Variants in TRIM9 observed in about 807,000 individuals in gnomAD.
TRIM9 encodes E3 ubiquitin-protein ligase TRIM9.
A neutral mutation model predicts 78.3 loss-of-function variants in TRIM9; 26 were observed. The ratio of observed to expected loss-of-function variants is 0.33; its 90% CI spans 0.24 to 0.46. The LOEUF is 0.46. Among genes scored for constraint, TRIM9 ranks in the 20% least tolerant of loss-of-function variants. The pLI, the probability that TRIM9 is intolerant of heterozygous loss-of-function variation, is 1.00. For synonymous variants in TRIM9, 398 were observed against 416.5 expected, an observed-to-expected ratio of 0.96 and a Z score of 0.54; for missense variants, 787 against 1,036.4, an observed-to-expected ratio of 0.76 and a Z score of 3.30.
chr14:50,997,929 G>C, intron 7 of TRIM9, 121 bp downstream of exon 7: 1 of 1,521,200 alleles, frequency 6.6e-7, no homozygotes, highest in Non-Finnish European at 8.8e-7. Context: ...TGTGCAGAAT[G>C]CAGAGCAAGT....
At chr14:51,000,358 A>G (rs1333783186) in intron 6 of TRIM9, among the ~76,000 whole-genome samples, 10 of 152,228 alleles carry the variant, frequency 6.6e-5, no homozygotes, top group Admixed American at 6.5e-4. Flanking sequence ...CCCTCTAGTT[A>G]ATAAATGAGG....
At chr14:51,059,374 T>C (rs562080256) in intron 1 of TRIM9, among the ~76,000 whole-genome samples, 81 of 152,356 alleles carry the variant, frequency 5.3e-4, no homozygotes, top group African/African-American at 1.9e-3. Context: ...CCTTAAAATA[T>C]ACAGATGATA....
intron 1 of TRIM9, among the ~76,000 whole-genome samples, chr14:51,086,028 T>TTTCTAA (rs535138693): frequency 1.3e-5 from 2 of 152,220 alleles, no homozygotes; most frequent in Non-Finnish European, 2.9e-5. Context: ...CACAATTTCT[T>TTTCTAA]TTCTAAATTT....
intron 1 of TRIM9, among the ~76,000 whole-genome samples, chr14:51,085,782 T>C (rs2063697591): frequency 6.6e-6 from 1 of 152,240 alleles, no homozygotes; most frequent in Non-Finnish European, 1.5e-5. Context: ...TATTAGTTTA[T>C]GGTTTTTATG....
At chr14:50,986,476 A>G (rs1450683436) in intron 7 of TRIM9, 1 of 177,762 alleles carries the variant, frequency 5.6e-6, no homozygotes, top group African/African-American at 2.3e-5. Context: ...AATTTTACCT[A>G]TTGATGACCA....
chr14:50,993,316 G>T (rs2053763629), intron 7 of TRIM9, among the ~76,000 whole-genome samples: 1 of 151,952 alleles, frequency 6.6e-6, no homozygotes, highest in South Asian at 2.1e-4. Context: ...TGCTGGAAAT[G>T]ATGGCCACTC....
At chr14:50,980,690 A>C (rs1445113510) in intron 11 of TRIM9, among the ~76,000 whole-genome samples, 1 of 152,242 alleles carries the variant, frequency 6.6e-6, no homozygotes, top group African/African-American at 2.4e-5. Context: ...TAGCACTGAG[A>C]ATCTATTGAC....
chr14:50,982,924 A>G lies in TRIM9; in HGVS notation c.1858+18T>C. The G allele has an allele frequency of 1.3e-6, 2 of 1,546,376 alleles. No individual in the cohort carries two copies. Among genetic ancestry groups the G allele is most frequent in the Middle Eastern group, 1.7e-4 (1 of 5,974 alleles). On this transcript the variant is annotated intron_variant, in intron 10 of 12. Coordinates refer to ENST00000684578, the MANE Select transcript of TRIM9 (RefSeq NM_001387360.1). ...TTTGGTCTTTGCTATTTGGTAACAG[A>G]ATAAGGTTATTCCATACCTGCCAAC...
chr14:51,003,872 G>A (rs1448577104), intron 5 of TRIM9, among the ~76,000 whole-genome samples: 1 of 152,202 alleles, frequency 6.6e-6, no homozygotes, highest in East Asian at 1.9e-4. Flanking sequence ...AAAGGTGAAT[G>A]TGCCAAAATT....
At chr14:51,043,494 G>A (rs2059719194) in intron 1 of TRIM9, among the ~76,000 whole-genome samples, 1 of 152,230 alleles carries the variant, frequency 6.6e-6, no homozygotes, top group African/African-American at 2.4e-5. Flanking sequence ...CACTTAAGCA[G>A]TTCTATCTAC....
rs1223198201 is a variant in TRIM9, at chr14:50,979,449, T to G, written c.2263A>C (p.Ile755Leu). 1.9e-5 allele frequency: 30 copies of G among 1,614,230 alleles called. No individual in the cohort carries two copies. Among genetic ancestry groups the G allele is most frequent in the Non-Finnish European group, 2.5e-5 (30 of 1,180,034 alleles). Residue 755 changes from isoleucine (I) to leucine (L), a missense_variant, in exon 12 of 13, where the codon ATA becomes CTA. Physicochemically the swap from Ile to Leu is conservative, Grantham distance 5 (BLOSUM62 2). Coordinates refer to ENST00000684578, the MANE Select transcript of TRIM9 (RefSeq NM_001387360.1). ...AGGCCCTCCACGTTATCAAATGCTA[T>G]GGGACCTTGTTGTTCATCGTTGATA... The part of the protein sequence containing the change: ...FFINDEQQGP[I>L]AFDNVEGLFF...
At chr14:50,989,179 C>T (rs536297594) in intron 7 of TRIM9, among the ~76,000 whole-genome samples, 1 of 152,352 alleles carries the variant, frequency 6.6e-6, no homozygotes, top group Non-Finnish European at 1.5e-5. Context: ...AAATCCTTTA[C>T]TCTCCTGGTC....
chr14:51,015,667 C>A (rs1028555420), intron 3 of TRIM9, among the ~76,000 whole-genome samples: 7 of 151,604 alleles, frequency 4.6e-5, no homozygotes, highest in Non-Finnish European at 2.9e-5. Flanking sequence ...GCACATGCTA[C>A]CCCACCTGGC....
At chr14:51,044,791 T>C (rs1464382741) in intron 1 of TRIM9, among the ~76,000 whole-genome samples, 2 of 152,154 alleles carry the variant, frequency 1.3e-5, no homozygotes, top group African/African-American at 4.8e-5. Context: ...AAGAGGCCAG[T>C]AAAAAAATGA....
chr14:51,070,864 T>C (rs1205370773), intron 1 of TRIM9, among the ~76,000 whole-genome samples: 6 of 152,226 alleles, frequency 3.9e-5, no homozygotes, highest in African/African-American at 1.4e-4. Flanking sequence ...CTGGCCCCTG[T>C]AGGCATTTGA....
At position 51,054,134 on chromosome 14, in the gene TRIM9, T is replaced by C. The variant is rs116447888; in HGVS notation, c.823-28774A>G. 8.1e-3 allele frequency among the ~76,000 whole-genome samples: 1,240 copies of C among 152,348 alleles called. 26 individuals are homozygous for C. The highest frequency in any genetic ancestry group is 0.027 in the African/African-American group (1,134 of 41,576). The stretch of plus-strand genomic sequence containing the variant: ...AAAAAATTTTAGAGACAAGATCTCA[T>C]CAGGCTGGCCTGGAGCTCCTGGGCT... On this transcript the variant is annotated intron_variant, in intron 1 of 12. Coordinates refer to ENST00000684578, the MANE Select transcript of TRIM9 (RefSeq NM_001387360.1).
intron 6 of TRIM9, among the ~76,000 whole-genome samples, chr14:51,000,202 T>C (rs2054780938): frequency 6.6e-6 from 1 of 152,234 alleles, no homozygotes; most frequent in African/African-American, 2.4e-5. Context: ...AACGGTTAAT[T>C]ATATTATTAG....
intron 7 of TRIM9, among the ~76,000 whole-genome samples, chr14:50,990,864 A>G (rs1050427472): frequency 6.6e-6 from 1 of 152,214 alleles, no homozygotes; most frequent in Admixed American, 6.5e-5. Flanking sequence ...TTTTGTTGGG[A>G]AGATTTTAAA....
At chr14:50,989,509 C>T (rs1406275316) in intron 7 of TRIM9, among the ~76,000 whole-genome samples, 2 of 152,086 alleles carry the variant, frequency 1.3e-5, no homozygotes, top group African/African-American at 4.8e-5. Context: ...TTTCAGGTCA[C>T]AGCTAATATG....
Sources: gnomAD v4.1 joint callset for allele counts (sites outside exome capture counted in the v4.1 genomes callset) on GRCh38, gnomAD v4.1.1 for gene constraint, MANE v1.5 for transcripts, NCBI Gene and HGNC (gene_info 2026-07-23, HGNC 2026-07-21) for gene names.